The following CHD1 variants were observed in gnomAD, a reference collection of about 807,000 sequenced individuals.
The protein encoded by CHD1 is chromodomain helicase DNA binding protein 1.
A neutral mutation model predicts 224.2 loss-of-function variants in CHD1; 36 were observed. That is an observed-to-expected ratio of 0.16 (90% CI 0.12 to 0.21). The LOEUF (loss-of-function observed/expected upper bound fraction) is 0.21. CHD1 is among the 10% of genes least tolerant of loss of function. The pLI is 1.00. For synonymous variants in CHD1, 668 were observed against 658.3 expected (o/e 1.01, Z -0.23); for missense variants, 1,378 against 1,994.8 (o/e 0.69, Z 5.89).
intron 2 of CHD1, among the ~76,000 whole-genome samples, chr5:98,918,220 G>A (rs1202073243): frequency 6.6e-6 from 1 of 151,642 alleles, no homozygotes; most frequent in African/African-American, 2.4e-5. Context: ...AACACGCCCA[G>A]CTAATTTTTT....
At chr5:98,888,855 T>C (rs982000676) in intron 16 of CHD1, among the ~76,000 whole-genome samples, 7 of 152,204 alleles carry the variant, frequency 4.6e-5, no homozygotes, top group African/African-American at 1.7e-4. Flanking sequence ...AGGCCATGGT[T>C]TGAGAGACCT....
chr5:98,856,350 A>T lies in CHD1; in HGVS notation c.*30T>A. The stretch of plus-strand genomic sequence containing the variant: ...GGTTTATGATATATGGCTAAAAGAA[A>T]AGTCCAGAAAGACGAAGTATCAGTT... On this transcript the variant is annotated 3_prime_UTR_variant, in exon 36 of 36. Transcript: ENST00000614616. 6.5e-7 allele frequency: 1 copy of T among 1,545,444 alleles called. No homozygotes were observed. Among genetic ancestry groups the T allele is most frequent in the Non-Finnish European group, 8.9e-7 (1 of 1,122,750 alleles).
intron 31 of CHD1, among the ~76,000 whole-genome samples, chr5:98,866,704 A>G (rs1748897705): frequency 6.6e-6 from 1 of 152,162 alleles, no homozygotes; most frequent in Non-Finnish European, 1.5e-5. Flanking sequence ...ATATATTTAT[A>G]TATAAATTTG....
rs1278262361 is a variant in CHD1, at chr5:98,856,168, AC to A, written c.*211del. ...AAAAAAGAAAACAAAAAAAAGTACT[AC>A]AATTTTGTAGTACAGTGCAGCATAA... On this transcript the variant is annotated 3_prime_UTR_variant, in exon 36 of 36. Transcript: ENST00000614616. The A allele has an allele frequency of 4.9e-6, 2 of 407,152 alleles. No homozygotes were observed. The highest frequency in any genetic ancestry group is 3.8e-5 in the Admixed American group (1 of 26,456). The allele number at this position is 407,152 out of a possible 1,614,324, so 25.2% of individuals were successfully genotyped here. A position where few individuals can be genotyped will look rare whatever the true frequency, so the allele number is the denominator to read the frequency against.
intron 9 of CHD1, 51 bp from the exon 10 acceptor site, chr5:98,898,485 A>AGGCCCTGCCAT: frequency 7.2e-7 from 1 of 1,394,850 alleles, no homozygotes; most frequent in Non-Finnish European, 9.5e-7. Flanking sequence ...TTTACATTTA[A>AGGCCCTGCCAT]TCATCAGATA....
In CHD1 at chr5:98,897,234, A is replaced by G. The variant is rs1561523483; in HGVS notation, c.1452T>C (p.Tyr484=). The G allele has an allele frequency of 6.2e-7, 1 of 1,612,786 alleles. No individual in the cohort carries two copies. The highest frequency in any genetic ancestry group is 8.5e-7 in the Non-Finnish European group (1 of 1,179,176). ...CAAGCCAATTTAAACCATTCAGTTG[A>G]TAATCTCTTAATTCTAAGCCCTCAT... ...GGHEGLELRD[Y]QLNGLNWLAH... is the part of the protein sequence containing the mutation. The change falls in exon 11 of 36, where the codon TAT becomes TAC. Residue 484 remains tyrosine (Y), a synonymous_variant. Coordinates refer to ENST00000614616, the MANE Select transcript of CHD1 (RefSeq NM_001270.4).
intron 31 of CHD1, among the ~76,000 whole-genome samples, chr5:98,865,889 C>T (rs994649185): frequency 1.3e-5 from 2 of 151,910 alleles, no homozygotes; most frequent in African/African-American, 2.4e-5. Context: ...GCATTGTGCA[C>T]AGCAGGAATT....
At chr5:98,879,485 A>T (rs957906235) in intron 23 of CHD1, 67 bp downstream of exon 23, 7 of 1,431,814 alleles carry the variant, frequency 4.9e-6, no homozygotes, top group Non-Finnish European at 6.6e-6. Flanking sequence ...CCTCGTAGAA[A>T]CAAACAAAAT....
At chr5:98,896,106 G>A in intron 12 of CHD1, 120 bp downstream of exon 12, 1 of 801,122 alleles carries the variant, frequency 1.2e-6, no homozygotes, top group Non-Finnish European at 2.1e-6. Context: ...AGTGAGCCAA[G>A]ATCATACCAC....
At chr5:98,898,805 C>A in intron 8 of CHD1, 41 bp from the exon 9 acceptor site, 1 of 1,115,754 alleles carries the variant, frequency 9.0e-7, no homozygotes, top group Non-Finnish European at 1.4e-6. Flanking sequence ...AAAAATCTCC[C>A]ATAAATAACC....
chr5:98,876,306 T>C, intron 24 of CHD1, 92 bp downstream of exon 24: 1 of 1,310,482 alleles, frequency 7.6e-7, no homozygotes, highest in Middle Eastern at 1.9e-4. Flanking sequence ...TTCTAAAACT[T>C]CATCACAATT....
intron 2 of CHD1, among the ~76,000 whole-genome samples, chr5:98,924,841 G>T (rs962557087): frequency 6.6e-6 from 1 of 152,044 alleles, no homozygotes; most frequent in African/African-American, 2.4e-5. Context: ...AGCTGGGAGT[G>T]GTGGCTAGCG....
At chr5:98,890,718 T>C (rs1750958134) in intron 15 of CHD1, among the ~76,000 whole-genome samples, 1 of 152,180 alleles carries the variant, frequency 6.6e-6, no homozygotes, top group African/African-American at 2.4e-5. Flanking sequence ...CTCATAATTA[T>C]TAATTTGAAT....
intron 2 of CHD1, among the ~76,000 whole-genome samples, chr5:98,916,522 G>C (rs548292068): frequency 8.5e-6 from 1 of 117,872 alleles, no homozygotes; most frequent in African/African-American, 3.3e-5. Flanking sequence ...TCCAGTCTGG[G>C]CAACAAGAGT....
chr5:98,881,576 C>T (rs1750192641), intron 20 of CHD1, among the ~76,000 whole-genome samples: 1 of 151,118 alleles, frequency 6.6e-6, no homozygotes, highest in Non-Finnish European at 1.5e-5. Flanking sequence ...CTGGCACAAT[C>T]TTAGCTCACT....
At chr5:98,891,839 A>G (rs2112468068) in intron 15 of CHD1, among the ~76,000 whole-genome samples, 1 of 152,296 alleles carries the variant, frequency 6.6e-6, no homozygotes, top group Middle Eastern at 3.4e-3. Flanking sequence ...AAAAAGAAAG[A>G]AAGTGAAGCT....
chr5:98,888,620 C>A (rs138544649), intron 16 of CHD1, among the ~76,000 whole-genome samples: 2 of 152,188 alleles, frequency 1.3e-5, no homozygotes, highest in Admixed American at 6.5e-5. Flanking sequence ...TGTATTAATT[C>A]TAGATGCTGA....
chr5:98,890,489 T>C (rs1022978163), intron 15 of CHD1, among the ~76,000 whole-genome samples: 5 of 152,204 alleles, frequency 3.3e-5, no homozygotes, highest in Non-Finnish European at 7.3e-5. Flanking sequence ...TCCAGAAATT[T>C]ATGGCAGTAT....
At chr5:98,862,853 T>A (rs1049776227) in intron 32 of CHD1, among the ~76,000 whole-genome samples, 2 of 152,198 alleles carry the variant, frequency 1.3e-5, no homozygotes, top group African/African-American at 4.8e-5. Flanking sequence ...TCCAGTTAAA[T>A]GTAAAAGATA....
Sources: allele counts gnomAD v4.1 joint callset (sites outside exome capture counted in the v4.1 genomes callset), GRCh38; gene constraint gnomAD v4.1.1; transcripts MANE v1.5; gene names NCBI Gene and HGNC (gene_info 2026-07-23, HGNC 2026-07-21).